ZNF385B: variants seen among roughly 807,000 people sequenced by gnomAD.
The protein encoded by ZNF385B is zinc finger protein 385B.
A neutral mutation model predicts 39.2 loss-of-function variants in ZNF385B; 23 were observed. The observed-to-expected ratio is 0.59, with a 90% confidence interval of 0.42 to 0.83. The LOEUF is 0.83. Among genes scored for constraint, ZNF385B ranks in the 40% least tolerant of loss-of-function variants. ZNF385B has a pLI of 0.00. For missense variants in ZNF385B, 552 were observed against 598.9 expected (o/e 0.92, Z 0.82); for synonymous variants, 205 against 222.6 (o/e 0.92, Z 0.70).
intron 1 of ZNF385B, among the ~76,000 whole-genome samples, chr2:179,808,981 A>G (rs1706566969): frequency 6.6e-6 from 1 of 152,254 alleles, no homozygotes; most frequent in Admixed American, 6.5e-5. Context: ...ATATTCTTTA[A>G]CTACCATTTA....
chr2:179,628,983 TTAA>T (rs1445094120), intron 3 of ZNF385B, among the ~76,000 whole-genome samples: 1 of 152,248 alleles, frequency 6.6e-6, no homozygotes, highest in Non-Finnish European at 1.5e-5. Flanking sequence ...CTAACAGATG[TTAA>T]TAAGTTTGAT....
chr2:179,483,262 T>A lies in ZNF385B; in HGVS notation c.715+10A>T, dbSNP rs202145031. 3.1e-6 allele frequency: 5 copies of A among 1,613,418 alleles called. No homozygotes were observed. In the Admixed American group the frequency reaches 5.0e-5, roughly 16 times the overall value. On this transcript the variant is annotated intron_variant, in intron 6 of 9. Transcript: ENST00000410066. ...CACAAAGAATGTAAAGAACAAAAAG[T>A]GTCATTGACCTGATTTGTCAGAGTT...
intron 3 of ZNF385B, among the ~76,000 whole-genome samples, chr2:179,723,424 A>G (rs912234605): frequency 5.9e-5 from 9 of 152,210 alleles, no homozygotes; most frequent in Admixed American, 4.6e-4. Context: ...AGTAGAATAT[A>G]TAAATAAATT....
intron 3 of ZNF385B, among the ~76,000 whole-genome samples, chr2:179,649,765 T>A (rs976883955): frequency 3.9e-5 from 6 of 152,142 alleles, no homozygotes; most frequent in Non-Finnish European, 8.8e-5. Context: ...GAAATAAGCA[T>A]TGGAGGTTTG....
intron 1 of ZNF385B, among the ~76,000 whole-genome samples, chr2:179,828,691 C>T (rs1707812393): frequency 6.6e-6 from 1 of 152,196 alleles, no homozygotes; most frequent in Non-Finnish European, 1.5e-5. Context: ...CGAATCACTT[C>T]AAGAACTTTA....
At chr2:179,558,806 T>C (rs1192914252) in intron 3 of ZNF385B, among the ~76,000 whole-genome samples, 1 of 152,146 alleles carries the variant, frequency 6.6e-6, no homozygotes, top group Non-Finnish European at 1.5e-5. Flanking sequence ...AAATAAGCCA[T>C]TCTCACCCAG....
intron 1 of ZNF385B, among the ~76,000 whole-genome samples, chr2:179,848,297 A>G (rs559969835): frequency 6.6e-6 from 1 of 152,350 alleles, no homozygotes; most frequent in African/African-American, 2.4e-5. Context: ...TTGGTGAGAT[A>G]AGAAAATCAT....
chr2:179,690,748 C>T (rs1698294136), intron 3 of ZNF385B, among the ~76,000 whole-genome samples: 1 of 152,136 alleles, frequency 6.6e-6, no homozygotes, highest in South Asian at 2.1e-4. Context: ...GGGGTCACAC[C>T]TTCTTCGCAG....
At chr2:179,479,704 G>A (rs1279058863) in intron 6 of ZNF385B, among the ~76,000 whole-genome samples, 1 of 152,068 alleles carries the variant, frequency 6.6e-6, no homozygotes, top group Non-Finnish European at 1.5e-5. Context: ...GCCTGGCTTA[G>A]TGGTGGGCAC....
chr2:179,816,509 C>A (rs1316607049), intron 1 of ZNF385B, among the ~76,000 whole-genome samples: 1 of 152,166 alleles, frequency 6.6e-6, no homozygotes, highest in Non-Finnish European at 1.5e-5. Flanking sequence ...GAGTAAAAAT[C>A]AAAGTCTTTA....
chr2:179,712,348 AC>A (rs746798230), intron 3 of ZNF385B, among the ~76,000 whole-genome samples: 31 of 152,036 alleles, frequency 2.0e-4, no homozygotes, highest in Non-Finnish European at 3.5e-4. Context: ...CAAGAATTCT[AC>A]CCTACTACTA....
intron 1 of ZNF385B, among the ~76,000 whole-genome samples, chr2:179,780,754 G>A (rs1041433292): frequency 1.2e-4 from 18 of 152,176 alleles, no homozygotes; most frequent in African/African-American, 4.3e-4. Context: ...TCAAGTATAT[G>A]TAAGGATAAT....
At chr2:179,559,791 ACT>A (rs932064874) in intron 3 of ZNF385B, among the ~76,000 whole-genome samples, 5 of 151,580 alleles carry the variant, frequency 3.3e-5, no homozygotes, top group African/African-American at 1.2e-4. Context: ...CCTAAAATCC[ACT>A]CTTAGAAATT....
intron 3 of ZNF385B, among the ~76,000 whole-genome samples, chr2:179,671,286 A>C (rs1440534544): frequency 6.6e-6 from 1 of 152,174 alleles, no homozygotes; most frequent in Non-Finnish European, 1.5e-5. Context: ...GCTCAAAAAT[A>C]TTCTCTTTTT....
At chr2:179,517,948 T>G (rs1003673611) in intron 5 of ZNF385B, among the ~76,000 whole-genome samples, 2 of 152,202 alleles carry the variant, frequency 1.3e-5, no homozygotes, top group African/African-American at 4.8e-5. Context: ...AAATTAGTAA[T>G]TCTTTTAGGT....
At chr2:179,591,764 CATTAATAGATAAACTG>C (rs1687587628) in intron 3 of ZNF385B, among the ~76,000 whole-genome samples, 1 of 152,076 alleles carries the variant, frequency 6.6e-6, no homozygotes, top group Non-Finnish European at 1.5e-5. Flanking sequence ...GGACTGTCCT[CATTAATAGATAAACTG>C]AGGCTCAGGC....
At chr2:179,467,613 C>T (rs1336774084) in intron 6 of ZNF385B, among the ~76,000 whole-genome samples, 1 of 152,156 alleles carries the variant, frequency 6.6e-6, no homozygotes, top group African/African-American at 2.4e-5. Context: ...CCAGTGCCCA[C>T]ATTATCATGC....
intron 3 of ZNF385B, among the ~76,000 whole-genome samples, chr2:179,633,388 G>C (rs919650088): frequency 6.6e-6 from 1 of 152,100 alleles, no homozygotes; most frequent in African/African-American, 2.4e-5. Context: ...GGGATGAAAG[G>C]CTGGTTCAAC....
chr2:179,737,093 T>C (rs1427294026), intron 3 of ZNF385B, among the ~76,000 whole-genome samples: 2 of 152,254 alleles, frequency 1.3e-5, no homozygotes, highest in East Asian at 1.9e-4. Flanking sequence ...TACTGTTAAG[T>C]TGTCATTCAA....
Sources: gnomAD v4.1 joint callset for allele counts (sites outside exome capture counted in the v4.1 genomes callset) on GRCh38, gnomAD v4.1.1 for gene constraint, MANE v1.5 for transcripts, NCBI Gene and HGNC (gene_info 2026-07-23, HGNC 2026-07-21) for gene names.